The following GALNT2 variants were observed in gnomAD, a reference collection of about 807,000 sequenced individuals.
GALNT2 encodes the protein UDP-GalNAc:polypeptide N-acetylgalactosaminyltransferase 2.
In GALNT2, 31 loss-of-function variants were observed where a neutral mutation model predicts 81.4. The ratio of observed to expected loss-of-function variants is 0.38; its 90% CI spans 0.29 to 0.51. GALNT2 has a LOEUF of 0.51. Among genes scored for constraint, GALNT2 ranks in the 20% least tolerant of loss-of-function variants. GALNT2 has a pLI of 0.87. For synonymous variants in GALNT2, 303 were observed against 287.4 expected, an observed-to-expected ratio of 1.05 and a Z score of -0.55; for missense variants, 629 against 765.7, an observed-to-expected ratio of 0.82 and a Z score of 2.11.
intron 1 of GALNT2, among the ~76,000 whole-genome samples, chr1:230,080,279 T>C (rs1659687557): frequency 6.6e-6 from 1 of 152,190 alleles, no homozygotes; most frequent in South Asian, 2.1e-4. Context: ...TGTAAGTTTT[T>C]ATTTTAGGTT....
intron 1 of GALNT2, among the ~76,000 whole-genome samples, chr1:230,157,783 C>G (rs4631704): frequency 6.6e-6 from 1 of 151,958 alleles, no homozygotes; most frequent in Non-Finnish European, 1.5e-5. Context: ...AAAGGCAAAA[C>G]TACAGAGAAA....
At chr1:230,212,751 C>T (rs1212439373) in intron 3 of GALNT2, among the ~76,000 whole-genome samples, 3 of 152,168 alleles carry the variant, frequency 2.0e-5, no homozygotes, top group African/African-American at 7.2e-5. Flanking sequence ...CATCAGCGTG[C>T]TTGTTTATGT....
chr1:230,251,757 A>AG (rs1168894954), intron 10 of GALNT2, among the ~76,000 whole-genome samples: 8 of 152,204 alleles, frequency 5.3e-5, no homozygotes, highest in Non-Finnish European at 7.3e-5. Context: ...CGTATCGTGT[A>AG]GGTGGCCATT....
At chr1:230,058,627 A>G (rs1166268896) in intron 1 of GALNT2, among the ~76,000 whole-genome samples, 1 of 152,256 alleles carries the variant, frequency 6.6e-6, no homozygotes, top group Non-Finnish European at 1.5e-5. Flanking sequence ...TTAATAAAAT[A>G]ATACACAAAC....
intron 1 of GALNT2, among the ~76,000 whole-genome samples, chr1:230,112,501 G>A (rs182960001): frequency 4.8e-4 from 73 of 152,288 alleles, no homozygotes; most frequent in African/African-American, 1.7e-3. Flanking sequence ...CACACAGCTG[G>A]TCTGAATGGG....
At chr1:230,254,470 A>T (rs553808834) in intron 10 of GALNT2, among the ~76,000 whole-genome samples, 24 of 152,332 alleles carry the variant, frequency 1.6e-4, no homozygotes, top group African/African-American at 5.5e-4. Context: ...TGCAGATATC[A>T]ATCAGTTACT....
At chr1:230,079,584 C>T (rs1295848152) in intron 1 of GALNT2, among the ~76,000 whole-genome samples, 2 of 152,262 alleles carry the variant, frequency 1.3e-5, no homozygotes, top group Admixed American at 1.3e-4. Context: ...TTACAAATAG[C>T]AGGTTTCCCT....
chr1:230,069,745 T>TA (rs1270254060), intron 1 of GALNT2, among the ~76,000 whole-genome samples: 5 of 152,010 alleles, frequency 3.3e-5, no homozygotes, highest in African/African-American at 9.7e-5. Flanking sequence ...AGTATGGACA[T>TA]AAAAAAAGAT....
intron 1 of GALNT2, among the ~76,000 whole-genome samples, chr1:230,119,793 A>G (rs1660958158): frequency 6.6e-6 from 1 of 152,138 alleles, no homozygotes; most frequent in East Asian, 1.9e-4. Context: ...GTGGACTTAC[A>G]CATTTGCATT....
intron 1 of GALNT2, among the ~76,000 whole-genome samples, chr1:230,129,851 G>C (rs577775392): frequency 6.6e-6 from 1 of 152,344 alleles, no homozygotes; most frequent in South Asian, 2.1e-4. Flanking sequence ...TAGTCACTCA[G>C]CATCAGTGCA....
At chr1:230,188,307 G>T (rs1447046423) in intron 2 of GALNT2, among the ~76,000 whole-genome samples, 2 of 152,150 alleles carry the variant, frequency 1.3e-5, no homozygotes, top group Non-Finnish European at 2.9e-5. Context: ...CTTTGGGGAA[G>T]AATCTGGAAT....
At chr1:230,084,108 T>C (rs917423550) in intron 1 of GALNT2, among the ~76,000 whole-genome samples, 1 of 152,184 alleles carries the variant, frequency 6.6e-6, no homozygotes, top group African/African-American at 2.4e-5. Context: ...AATTTTTAAT[T>C]TGATCCCCTG....
chr1:230,263,785 A>G (rs1388391469), intron 13 of GALNT2: 4 of 152,244 alleles, frequency 2.6e-5, no homozygotes, highest in Non-Finnish European at 5.9e-5. Flanking sequence ...AGCATTTTAC[A>G]GCGGCTCACA....
chr1:230,120,572 G>T (rs1189554260), intron 1 of GALNT2, among the ~76,000 whole-genome samples: 1 of 152,120 alleles, frequency 6.6e-6, no homozygotes, highest in Non-Finnish European at 1.5e-5. Flanking sequence ...GTGCCAGCTG[G>T]ACACGAAGCA....
At chr1:230,152,006 G>A (rs1662108302) in intron 1 of GALNT2, among the ~76,000 whole-genome samples, 1 of 152,212 alleles carries the variant, frequency 6.6e-6, no homozygotes, top group Non-Finnish European at 1.5e-5. Context: ...AGGACGACCA[G>A]AGGTCATTCC....
intron 11 of GALNT2, chr1:230,262,356 A>G (rs632557): frequency 0.97 from 480,340 of 496,820 alleles, 232,398 homozygotes; most frequent in East Asian, 1. Context: ...AAGCCATTCC[A>G]ATGGTTCAGT....
chr1:230,256,940 T>G (rs1167612136), intron 11 of GALNT2, among the ~76,000 whole-genome samples: 5 of 152,114 alleles, frequency 3.3e-5, no homozygotes, highest in Non-Finnish European at 7.3e-5. Context: ...TTATGTGAGT[T>G]CAGACTTGAA....
chr1:230,267,017 C>CACACACAA (rs1491510250), intron 14 of GALNT2, among the ~76,000 whole-genome samples: 1 of 151,380 alleles, frequency 6.6e-6, no homozygotes, highest in African/African-American at 2.4e-5. Context: ...CACACACACA[C>CACACACAA]AATAGCACAT....
intron 3 of GALNT2, among the ~76,000 whole-genome samples, chr1:230,206,467 T>C (rs1664060218): frequency 6.6e-6 from 1 of 152,192 alleles, no homozygotes; most frequent in Non-Finnish European, 1.5e-5. Context: ...TTAAAGTCTA[T>C]CCATAGTCAA....
Sources: allele counts gnomAD v4.1 joint callset (sites outside exome capture counted in the v4.1 genomes callset), GRCh38; gene constraint gnomAD v4.1.1; transcripts MANE v1.5; gene names NCBI Gene and HGNC (gene_info 2026-07-23, HGNC 2026-07-21).